Variants in RFC3 observed in about 807,000 individuals in gnomAD.
RFC3 encodes replication factor C subunit 3.
A neutral mutation model predicts 45.1 loss-of-function variants in RFC3; 41 were observed. That is an observed-to-expected ratio of 0.91 (90% CI 0.71 to 1.18). The LOEUF (loss-of-function observed/expected upper bound fraction) is 1.18. RFC3 is among the 50% of genes most tolerant of loss of function. RFC3 has a pLI of 0.00. For synonymous variants in RFC3, 149 were observed against 144.0 expected, an observed-to-expected ratio of 1.03 and a Z score of -0.25; for missense variants, 423 against 428.1, an observed-to-expected ratio of 0.99 and a Z score of 0.10.
At chr13:33,895,865 G>T (rs2082594453) in intron 8 of RFC3, among the ~76,000 whole-genome samples, 1 of 152,152 alleles carries the variant, frequency 6.6e-6, no homozygotes, top group Non-Finnish European at 1.5e-5. Context: ...CAGCAACTTG[G>T]ATGGAGCTGG....
At chr13:33,852,059 T>C (rs765165350) in intron 8 of RFC3, among the ~76,000 whole-genome samples, 14 of 152,040 alleles carry the variant, frequency 9.2e-5, no homozygotes, top group Non-Finnish European at 1.9e-4. Flanking sequence ...ACTATGAGAG[T>C]ATTGCACTAT....
intron 8 of RFC3, among the ~76,000 whole-genome samples, chr13:33,879,572 A>G (rs1182075700): frequency 1.3e-5 from 2 of 152,234 alleles, no homozygotes; most frequent in Non-Finnish European, 2.9e-5. Flanking sequence ...GACTTAAAGT[A>G]TCACTAATAC....
intron 8 of RFC3, among the ~76,000 whole-genome samples, chr13:33,928,870 T>A (rs1277816127): frequency 6.6e-6 from 1 of 152,100 alleles, no homozygotes; most frequent in Non-Finnish European, 1.5e-5. Context: ...AATGGGTTAG[T>A]TGCCCTAGAA....
chr13:33,897,332 A>T (rs1011682361), intron 8 of RFC3, among the ~76,000 whole-genome samples: 6 of 151,962 alleles, frequency 3.9e-5, no homozygotes, highest in African/African-American at 1.2e-4. Flanking sequence ...ATCTAAGATA[A>T]GTCATCAACT....
chr13:33,915,798 CTA>C (rs5802698), intron 8 of RFC3, among the ~76,000 whole-genome samples: 10 of 149,920 alleles, frequency 6.7e-5, no homozygotes, highest in Non-Finnish European at 7.4e-5. Flanking sequence ...TTCTATATTT[CTA>C]TATATATATA....
At chr13:33,871,978 A>G (rs1375433351) in intron 8 of RFC3, among the ~76,000 whole-genome samples, 1 of 152,218 alleles carries the variant, frequency 6.6e-6, no homozygotes, top group African/African-American at 2.4e-5. Flanking sequence ...AGTATTTACA[A>G]TAGTATTTCA....
intron 8 of RFC3, among the ~76,000 whole-genome samples, chr13:33,912,901 T>C (rs1213177411): frequency 6.6e-6 from 1 of 151,950 alleles, no homozygotes; most frequent in Non-Finnish European, 1.5e-5. Flanking sequence ...ATTAGCTTAA[T>C]AACTGGGTGT....
intron 8 of RFC3, among the ~76,000 whole-genome samples, chr13:33,886,355 G>A (rs1343353968): frequency 6.6e-6 from 1 of 151,892 alleles, no homozygotes; most frequent in Admixed American, 6.6e-5. Flanking sequence ...GACCATCCAG[G>A]CTAACATGGC....
At chr13:33,883,598 T>C (rs1015479094) in intron 8 of RFC3, among the ~76,000 whole-genome samples, 4 of 152,206 alleles carry the variant, frequency 2.6e-5, no homozygotes, top group African/African-American at 9.6e-5. Context: ...AATATCCTGG[T>C]TGTGACATTG....
At chr13:33,959,245 G>A (rs2083041269) in intron 8 of RFC3, among the ~76,000 whole-genome samples, 1 of 152,098 alleles carries the variant, frequency 6.6e-6, no homozygotes. Flanking sequence ...ACTATGATTA[G>A]GTTATTTCCC....
At chr13:33,871,621 A>G (rs2082410357) in intron 8 of RFC3, among the ~76,000 whole-genome samples, 1 of 152,232 alleles carries the variant, frequency 6.6e-6, no homozygotes, top group Non-Finnish European at 1.5e-5. Context: ...TCCAGGGAGC[A>G]AGACGTGGAC....
chr13:33,824,708 T>A (rs932275073), intron 3 of RFC3, among the ~76,000 whole-genome samples: 7 of 152,162 alleles, frequency 4.6e-5, no homozygotes, highest in African/African-American at 1.7e-4. Context: ...AGGAATACCA[T>A]TACAAGCTAA....
Position 33,823,962 on chromosome 13 carries a change from T to G in RFC3, c.271T>G (p.Tyr91Asp). The G allele has an allele frequency of 6.4e-7, 1 of 1,564,712 alleles. No individual in the cohort carries two copies. Among genetic ancestry groups the G allele is most frequent in the African/African-American group, 1.4e-5 (1 of 73,554 alleles). Reference sequence around the variant, plus strand: ...TGAAATTAGCACCATTGCAAGTAACTACCACCTTGAAGTTAATCCTAGGTA... The same window carrying G: ...TGAAATTAGCACCATTGCAAGTAACGACCACCTTGAAGTTAATCCTAGGTA... ...KIEISTIASN[Y>D]HLEVNPSDAG... Residue 91 changes from tyrosine to aspartate, a missense_variant, in exon 3 of 9, where the codon TAC (tyrosine) becomes GAC (aspartate). Tyr to Asp is a radical substitution (Grantham distance 160). Transcript: ENST00000380071.
chr13:33,936,553 A>G (rs944738723), intron 8 of RFC3, among the ~76,000 whole-genome samples: 2 of 152,176 alleles, frequency 1.3e-5, no homozygotes, highest in Non-Finnish European at 2.9e-5. Flanking sequence ...AAATTTGTCC[A>G]TAGAGTTGGA....
In RFC3 at chr13:33,942,710, T is replaced by C. The variant is rs74046991; in HGVS notation, c.880-23377T>C. 9.3e-4 allele frequency among the ~76,000 whole-genome samples: 142 copies of C among 152,356 alleles called. 1 individual carries two copies. The highest frequency in any genetic ancestry group is 3.3e-3 in the African/African-American group (138 of 41,588). On this transcript the variant is annotated intron_variant, in intron 8 of 8. Transcript: ENST00000434425. ...GTTGTTTTGGGGTACATGGTACTAATTCATAGATCCTCCTGCTATTTGAAT... is the reference window on the plus strand; with the variant it reads ...GTTGTTTTGGGGTACATGGTACTAACTCATAGATCCTCCTGCTATTTGAAT...
chr13:33,960,589 GTCAATA>G (rs1287221088), intron 8 of RFC3, among the ~76,000 whole-genome samples: 3 of 152,164 alleles, frequency 2.0e-5, no homozygotes, highest in Non-Finnish European at 4.4e-5. Flanking sequence ...GTCATGTTGG[GTCAATA>G]TCAAAGGTGT....
chr13:33,888,974 G>C (rs1375850400), intron 8 of RFC3, among the ~76,000 whole-genome samples: 1 of 152,122 alleles, frequency 6.6e-6, no homozygotes, highest in East Asian at 1.9e-4. Context: ...TCAATCTCCT[G>C]ACCTTGTGAT....
chr13:33,872,799 C>CCG (rs887731335), intron 8 of RFC3, among the ~76,000 whole-genome samples: 29 of 139,682 alleles, frequency 2.1e-4, no homozygotes, highest in Admixed American at 9.9e-4. Flanking sequence ...CAAACCCCCC[C>CCG]CCCCAAAATA....
chr13:33,857,136 A>T lies in RFC3; in HGVS notation c.879+21919A>T, dbSNP rs181353851. On this transcript the variant is annotated intron_variant, in intron 8 of 8. Coordinates refer to the RFC3 transcript ENST00000434425. ...CAATCTAATCTTTAGACATAAATTT[A>T]TTCCTTGGAATTTAATAATAGCAAG... 2.0e-5 allele frequency among the ~76,000 whole-genome samples: 3 copies of T among 152,346 alleles called. No homozygotes were observed. In the East Asian group the frequency reaches 5.8e-4, roughly 29 times the overall value.
Sources: gnomAD v4.1 joint callset for allele counts (sites outside exome capture counted in the v4.1 genomes callset) on GRCh38, gnomAD v4.1.1 for gene constraint, MANE v1.5 for transcripts, NCBI Gene and HGNC (gene_info 2026-07-23, HGNC 2026-07-21) for gene names.